MARK4: variants seen among roughly 807,000 people sequenced by gnomAD.
MARK4 encodes microtubule affinity regulating kinase 4.
Under a neutral mutation model 81.5 loss-of-function variants are expected in MARK4, and 19 were observed. The observed-to-expected ratio is 0.23, with a 90% CI of 0.16 to 0.34. MARK4 has a LOEUF of 0.34. Among genes scored for constraint, MARK4 ranks in the 10% least tolerant of loss-of-function variants. The pLI, the probability that MARK4 is intolerant of heterozygous loss-of-function variation, is 1.00. For synonymous variants in MARK4, 436 were observed against 439.0 expected (o/e 0.99, Z 0.08); for missense variants, 772 against 1,058.8 (o/e 0.73, Z 3.76).
intron 13 of MARK4, among the ~76,000 whole-genome samples, chr19:45,291,664 C>T (rs980613077): frequency 6.6e-6 from 1 of 152,192 alleles, no homozygotes; most frequent in African/African-American, 2.4e-5. Flanking sequence ...CACCTGTAGT[C>T]CCAGCTACTC....
intron 1 of MARK4, among the ~76,000 whole-genome samples, chr19:45,254,136 G>C (rs969974071): frequency 2.1e-4 from 32 of 152,088 alleles, no homozygotes; most frequent in African/African-American, 6.5e-4. Context: ...CCCACCCCAA[G>C]TTCCAGGGCC....
At chr19:45,296,195 T>C (rs1441857835) in intron 14 of MARK4, among the ~76,000 whole-genome samples, 1 of 151,896 alleles carries the variant, frequency 6.6e-6, no homozygotes, top group Non-Finnish European at 1.5e-5. Flanking sequence ...AGTGGAACAG[T>C]TAAATTACAG....
chr19:45,265,253 C>T (rs948688328), intron 6 of MARK4, among the ~76,000 whole-genome samples: 4 of 151,534 alleles, frequency 2.6e-5, no homozygotes, highest in African/African-American at 7.3e-5. Context: ...GTGAGTGTGC[C>T]GGAGTGTGAT....
At chr19:45,284,325 C>CTT (rs766141024) in intron 12 of MARK4, among the ~76,000 whole-genome samples, 7 of 140,468 alleles carry the variant, frequency 5.0e-5, no homozygotes, top group African/African-American at 7.8e-5. Context: ...GATTTCTTTT[C>CTT]TTTTTTTTTT....
At chr19:45,273,823 C>A (rs1299927838) in intron 8 of MARK4, among the ~76,000 whole-genome samples, 1 of 152,238 alleles carries the variant, frequency 6.6e-6, no homozygotes, top group Non-Finnish European at 1.5e-5. Context: ...GAAATACTTG[C>A]AGAGGACAGA....
chr19:45,253,965 T>C (rs1043335838), intron 1 of MARK4, among the ~76,000 whole-genome samples: 1 of 152,146 alleles, frequency 6.6e-6, no homozygotes, highest in South Asian at 2.1e-4. Context: ...TGGTGCGGAT[T>C]TGAGGATGGC....
In MARK4 at chr19:45,302,868, G is replaced by A; in HGVS notation, c.*158G>A. 1 of 1,212,750 alleles carries A rather than the reference G, an allele frequency of 8.2e-7. No homozygotes were observed. 75.1% of individuals were successfully genotyped at this position (1,212,750 alleles called of 1,614,324 possible). On this transcript the variant is annotated 3_prime_UTR_variant, in exon 17 of 17. Transcript: ENST00000262891. The surrounding 1 kb of genome is among the most constrained non-coding windows in gnomAD (Gnocchi z 4.9). The stretch of plus-strand genomic sequence containing the variant: ...GATTGTCCCCTCTGCTGTTCTCTGG[G>A]GCCGCTCAGCACAGAAGAAGGATGA...
At position 45,302,735 on chromosome 19, in the gene MARK4, C is replaced by T; in HGVS notation, c.*25C>T. 1.3e-6 allele frequency: 2 copies of T among 1,535,342 alleles called. No homozygotes were observed. The highest frequency in any genetic ancestry group is 1.7e-6 in the Non-Finnish European group (2 of 1,146,478). On this transcript the variant is annotated 3_prime_UTR_variant, in exon 17 of 17. Transcript: ENST00000262891. The surrounding 1 kb of genome is among the most constrained non-coding windows in gnomAD (Gnocchi z 4.9). Reference sequence around the variant, plus strand: ...AGCCACCACGGTCCCAGGGCCCTTACTCTTCCTCTCCCTTGTCGCCTTCAC... The same window carrying T: ...AGCCACCACGGTCCCAGGGCCCTTATTCTTCCTCTCCCTTGTCGCCTTCAC...
chr19:45,274,205 C>T (rs1169332670), intron 8 of MARK4, among the ~76,000 whole-genome samples: 1 of 151,864 alleles, frequency 6.6e-6, no homozygotes, highest in Non-Finnish European at 1.5e-5. Flanking sequence ...GCGGAGATCT[C>T]GCCACTGTAC....
At chr19:45,298,249 G>T in intron 15 of MARK4, 1 of 1,610,160 alleles carries the variant, frequency 6.2e-7, no homozygotes, top group South Asian at 1.1e-5. Flanking sequence ...CCCTGTTCTC[G>T]CTGGCTCTGC....
chr19:45,279,118 A>C (rs1387191411), intron 10 of MARK4, among the ~76,000 whole-genome samples: 1 of 152,134 alleles, frequency 6.6e-6, no homozygotes, highest in Non-Finnish European at 1.5e-5. Flanking sequence ...TCAGCTACTC[A>C]GCAAGCTGAG....
chr19:45,278,911 C>T (rs78167911), intron 10 of MARK4, among the ~76,000 whole-genome samples: 3,410 of 152,030 alleles, frequency 0.022, 132 homozygotes, highest in African/African-American at 0.077. Context: ...GGCCCATGTT[C>T]GCTTTGATAT....
At chr19:45,257,780 C>T (rs1970328267) in intron 1 of MARK4, among the ~76,000 whole-genome samples, 2 of 151,462 alleles carry the variant, frequency 1.3e-5, no homozygotes, top group Non-Finnish European at 2.9e-5. Flanking sequence ...AGCTCCACCT[C>T]CTGGGTTCAT....
chr19:45,274,998 T>C (rs1214258061), intron 8 of MARK4, among the ~76,000 whole-genome samples: 1 of 152,072 alleles, frequency 6.6e-6, no homozygotes, highest in Non-Finnish European at 1.5e-5. Flanking sequence ...TCGTGGCTCA[T>C]GCCTGTAATC....
chr19:45,287,696 G>T (rs1200343349), intron 13 of MARK4, 32 bp downstream of exon 13: 1 of 1,590,320 alleles, frequency 6.3e-7, no homozygotes, highest in Non-Finnish European at 8.6e-7. Context: ...GCAGGGCTGG[G>T]GGCGCCACCT....
At chr19:45,277,410 G>C (rs1402531531) in intron 8 of MARK4, among the ~76,000 whole-genome samples, 14 of 151,096 alleles carry the variant, frequency 9.3e-5, no homozygotes, top group Non-Finnish European at 1.9e-4. Flanking sequence ...GTTTTCCTCT[G>C]AATGAAAAGT....
chr19:45,267,489 C>T (rs959204551), intron 7 of MARK4, among the ~76,000 whole-genome samples: 4 of 152,202 alleles, frequency 2.6e-5, no homozygotes, highest in African/African-American at 4.8e-5. Context: ...CCCCAGGGTC[C>T]GCATTCCACA....
Position 45,297,817 on chromosome 19 carries a change from G to A in MARK4, c.1740G>A (p.Gly580=). The A allele has an allele frequency of 6.5e-7, 1 of 1,543,824 alleles. No individual in the cohort carries two copies. Among genetic ancestry groups the A allele is most frequent in the Non-Finnish European group, 8.7e-7 (1 of 1,143,540 alleles). ...HGGQVRDRRA[G]GGGGGGVQNG... Reference sequence around the variant, plus strand: ...GCCAGGTCCGGGACCGGCGGGCAGGGGGTGGGGGTGGTGGGGGTGTGCAGA... The same window carrying A: ...GCCAGGTCCGGGACCGGCGGGCAGGAGGTGGGGGTGGTGGGGGTGTGCAGA... Residue 580 remains glycine, a synonymous_variant, in exon 15 of 17, where the codon GGG becomes GGA. Transcript: ENST00000262891.
Position 45,259,073 on chromosome 19 carries a change from A to G in MARK4, c.136A>G (p.Ile46Val). The change falls in exon 2 of 17, where the codon ATC becomes GTC. Residue 46 changes from isoleucine to valine, a missense_variant. Around this residue, in one of 3 missense-constraint regions of MARK4, gnomAD observed 115 missense variants for 139.8 expected, o/e 0.82. Coordinates refer to ENST00000262891, the MANE Select transcript of MARK4 (RefSeq NM_001199867.2). Reference protein sequence around the residue: ...RSLGARCRNSIASCPEEQPHV... With the variant: ...RSLGARCRNSVASCPEEQPHV... ...ACTGGGTGCCCGTTGCCGGAACTCC[A>G]TCGCCTCCTGTCCCGAGGAGCAGCC... 3.1e-6 allele frequency: 5 copies of G among 1,614,056 alleles called. No individual in the cohort carries two copies. The highest frequency in any genetic ancestry group is 4.2e-6 in the Non-Finnish European group (5 of 1,180,016).
Sources: allele counts gnomAD v4.1 joint callset (sites outside exome capture counted in the v4.1 genomes callset), GRCh38; gene constraint gnomAD v4.1.1; regional missense constraint gnomAD v4.1.1; non-coding constraint Gnocchi (gnomAD v3.1); transcripts MANE v1.5; gene names NCBI Gene and HGNC (gene_info 2026-07-23, HGNC 2026-07-21).